Variants in SCAPER observed in about 807,000 individuals in gnomAD.
SCAPER encodes S-phase cyclin A associated protein in the ER, also known as S phase cyclin A-associated protein in the endoplasmic reticulum.
SCAPER carries 98 observed loss-of-function variants against 182.2 expected under a neutral mutation model. The observed-to-expected ratio is 0.54, with a 90% confidence interval of 0.46 to 0.64. The LOEUF is 0.64. Ranked by LOEUF, SCAPER falls within the 30% of genes least tolerant of loss-of-function variation. The probability of loss-of-function intolerance (pLI) is 0.00; values close to 1 mark genes in which losing one functional copy is unlikely to be tolerated. For missense variants in SCAPER, 1,432 were observed against 1,690.0 expected (o/e 0.85, Z 2.68); for synonymous variants, 605 against 564.6 (o/e 1.07, Z -1.01).
intron 27 of SCAPER, among the ~76,000 whole-genome samples, chr15:76,403,539 T>C (rs897008762): frequency 6.6e-5 from 10 of 152,220 alleles, no homozygotes; most frequent in African/African-American, 1.9e-4. Context: ...TTTTAGAATA[T>C]AGTTTCCCCC....
chr15:76,823,106 T>C (rs1404495454), intron 5 of SCAPER, among the ~76,000 whole-genome samples: 1 of 152,248 alleles, frequency 6.6e-6, no homozygotes, highest in Non-Finnish European at 1.5e-5. Context: ...TGATTTTGTA[T>C]TATCAGTCAC....
At chr15:76,385,962 C>T (rs1033223808) in intron 27 of SCAPER, among the ~76,000 whole-genome samples, 4 of 152,192 alleles carry the variant, frequency 2.6e-5, no homozygotes, top group Non-Finnish European at 5.9e-5. Context: ...ACAGATCTCA[C>T]TAGGCTAAAA....
At chr15:76,703,438 G>A (rs2059072484) in intron 18 of SCAPER, among the ~76,000 whole-genome samples, 1 of 152,074 alleles carries the variant, frequency 6.6e-6, no homozygotes, top group South Asian at 2.1e-4. Context: ...TTAACCTACG[G>A]GTAAAGCATA....
At chr15:76,830,124 G>A (rs1317859843) in intron 5 of SCAPER, among the ~76,000 whole-genome samples, 1 of 152,082 alleles carries the variant, frequency 6.6e-6, no homozygotes, top group Non-Finnish European at 1.5e-5. Context: ...AGAGTGTTCT[G>A]GGCGGAAAAA....
intron 25 of SCAPER, among the ~76,000 whole-genome samples, chr15:76,446,298 A>C (rs1394719319): frequency 6.6e-5 from 10 of 152,220 alleles, no homozygotes. Flanking sequence ...CTCAAAAATT[A>C]TAAAGCACTA....
intron 23 of SCAPER, among the ~76,000 whole-genome samples, chr15:76,530,425 C>A (rs1028357802): frequency 6.6e-6 from 1 of 152,142 alleles, no homozygotes; most frequent in Non-Finnish European, 1.5e-5. Flanking sequence ...CACAGTCACC[C>A]TGTAAACCAT....
intron 15 of SCAPER, among the ~76,000 whole-genome samples, chr15:76,744,289 G>C (rs776208067): frequency 1.3e-5 from 2 of 152,032 alleles, no homozygotes; most frequent in Non-Finnish European, 2.9e-5. Flanking sequence ...TTGACAAGTA[G>C]GGCCTAATTA....
intron 2 of SCAPER, among the ~76,000 whole-genome samples, chr15:76,879,047 T>G (rs1050981414): frequency 6.6e-6 from 1 of 152,168 alleles, no homozygotes; most frequent in Admixed American, 6.5e-5. Flanking sequence ...TAGCCCCACT[T>G]TGGAAATCTG....
At chr15:76,527,346 C>T (rs945028290) in intron 23 of SCAPER, among the ~76,000 whole-genome samples, 5 of 152,092 alleles carry the variant, frequency 3.3e-5, no homozygotes, top group Non-Finnish European at 7.4e-5. Context: ...CTGTCTCTTC[C>T]TCTATTATTC....
At chr15:76,720,263 AT>A in intron 17 of SCAPER, among the ~76,000 whole-genome samples, 1 of 151,972 alleles carries the variant, frequency 6.6e-6, no homozygotes, top group Non-Finnish European at 1.5e-5. Context: ...TGAACTCATC[AT>A]TTTTTATGGC....
chr15:76,350,831 A>C (rs1325708671), intron 31 of SCAPER: 1 of 154,836 alleles, frequency 6.5e-6, no homozygotes, highest in African/African-American at 2.4e-5. Context: ...GGCTACTATT[A>C]CTGATAACTT....
chr15:76,415,229 T>G (rs2045567939), intron 26 of SCAPER, among the ~76,000 whole-genome samples: 1 of 152,216 alleles, frequency 6.6e-6, no homozygotes, highest in African/African-American at 2.4e-5. Context: ...TTGTTGAATA[T>G]CTTTGTCAGA....
chr15:76,836,563 C>A (rs564235860), intron 5 of SCAPER, among the ~76,000 whole-genome samples: 1 of 152,030 alleles, frequency 6.6e-6, no homozygotes, highest in Non-Finnish European at 1.5e-5. Flanking sequence ...TAAAAATCAA[C>A]TCAAAATGGA....
intron 23 of SCAPER, among the ~76,000 whole-genome samples, chr15:76,526,790 A>AC (rs1184263237): frequency 6.6e-6 from 1 of 151,206 alleles, no homozygotes; most frequent in South Asian, 2.1e-4. Context: ...TTTCATACTT[A>AC]CCTGTTGTTT....
At chr15:76,813,244 A>AAAAT (rs2066798126) in intron 5 of SCAPER, among the ~76,000 whole-genome samples, 1 of 56,612 alleles carries the variant, frequency 1.8e-5, no homozygotes, top group African/African-American at 3.7e-5. Context: ...AAAAAAAAAA[A>AAAAT]AAAAAAAAAA....
chr15:76,376,222 G>C lies in SCAPER; in HGVS notation c.3795C>G (p.Ser1265Arg), dbSNP rs1285515889. ...LGHCSQVSCE[S>R]LLHEVIVCVG... ...CACAGACGATGACCTCATGAAGGAG[G>C]CTTTCACAGGAGACTTGGCTGCAGT... Residue 1265 changes from serine (S) to arginine (R), a missense_variant, in exon 29 of 32, where the codon AGC becomes AGG. Coordinates refer to ENST00000563290, the MANE Select transcript of SCAPER (RefSeq NM_020843.4). The C allele has an allele frequency of 1.9e-6, 3 of 1,613,906 alleles. No individual in the cohort carries two copies. In the East Asian group the frequency reaches 6.7e-5, roughly 36 times the overall value.
chr15:76,539,704 C>A (rs2044559407), intron 23 of SCAPER, among the ~76,000 whole-genome samples: 1 of 152,032 alleles, frequency 6.6e-6, no homozygotes, highest in Admixed American at 6.6e-5. Context: ...CGCCACCTCA[C>A]CCAGCTAATT....
chr15:76,618,391 T>G (rs1487839443), intron 22 of SCAPER, among the ~76,000 whole-genome samples: 1 of 152,224 alleles, frequency 6.6e-6, no homozygotes, highest in African/African-American at 2.4e-5. Context: ...TTTCAAAAAT[T>G]TTTCCTAGAA....
At chr15:76,589,883 T>C (rs1469804493) in intron 22 of SCAPER, among the ~76,000 whole-genome samples, 1 of 152,170 alleles carries the variant, frequency 6.6e-6, no homozygotes, top group African/African-American at 2.4e-5. Context: ...TACCCCTGTA[T>C]TTCATGCTGC....
Sources: gnomAD v4.1 joint callset for allele counts (sites outside exome capture counted in the v4.1 genomes callset) on GRCh38, gnomAD v4.1.1 for gene constraint, MANE v1.5 for transcripts, NCBI Gene and HGNC (gene_info 2026-07-23, HGNC 2026-07-21) for gene names.